The following ELOVL6 variants were observed in gnomAD, a reference collection of about 807,000 sequenced individuals.
ELOVL6 encodes the protein very long chain fatty acid elongase 6.
In ELOVL6, 8 loss-of-function variants were observed where a neutral mutation model predicts 31.7. That is an observed-to-expected ratio of 0.25 (90% CI 0.15 to 0.45). ELOVL6 has a LOEUF of 0.45. Ranked by LOEUF, ELOVL6 falls within the 20% of genes least tolerant of loss-of-function variation. ELOVL6 has a pLI of 1.00. For synonymous variants in ELOVL6, 101 were observed against 117.7 expected, an observed-to-expected ratio of 0.86 and a Z score of 0.92; for missense variants, 126 against 326.4, an observed-to-expected ratio of 0.39 and a Z score of 4.73.
At chr4:110,092,134 C>CT (rs1384761126) in intron 2 of ELOVL6, among the ~76,000 whole-genome samples, 2 of 152,184 alleles carry the variant, frequency 1.3e-5, no homozygotes, top group African/African-American at 4.8e-5. Flanking sequence ...AGTCCATTTA[C>CT]TAGTAGCTCT....
Position 110,126,445 on chromosome 4 carries a change from T to G in ELOVL6, c.90-20817A>C, listed in dbSNP as rs545076398. 4.6e-5 allele frequency among the ~76,000 whole-genome samples: 7 copies of G among 152,246 alleles called. No homozygotes were observed. The South Asian group carries it at 1.5e-3, about 32-fold the overall frequency. On this transcript the variant is annotated intron_variant, in intron 1 of 3. Transcript: ENST00000302274. ...ATCAGTAACTCAATTTTGCCCCTCA[T>G]TGACTTTTGGGAGGCCTCCCAAGGA...
rs574431073 is a variant in ELOVL6, at chr4:110,112,569, TCAAA to T, written c.90-6945_90-6942del. On this transcript the variant is annotated intron_variant, in intron 1 of 3. Coordinates refer to ENST00000302274, the MANE Select transcript of ELOVL6 (RefSeq NM_024090.3). ...GTCCTTGCTGCTCTAGTTAGCAAAA[TCAAA>T]CAAAGAATTAAAATCCGGGCTGAGT... Among the ~76,000 whole-genome samples the T allele has an allele frequency of 8.5e-5, 13 of 152,206 alleles. No individual in the cohort carries two copies. The South Asian group carries it at 2.7e-3, about 32-fold the overall frequency.
chr4:110,196,945 G>A (rs555331429), intron 1 of ELOVL6, among the ~76,000 whole-genome samples: 5 of 152,324 alleles, frequency 3.3e-5, no homozygotes, highest in South Asian at 4.1e-4. Context: ...CCAGGGGGCT[G>A]GAGGACAGGA....
intron 2 of ELOVL6, among the ~76,000 whole-genome samples, chr4:110,083,904 T>A (rs868505664): frequency 2.1e-5 from 1 of 48,626 alleles, no homozygotes; most frequent in Admixed American, 2.3e-4. Flanking sequence ...AATATATATA[T>A]ACACATAGAG....
intron 2 of ELOVL6, among the ~76,000 whole-genome samples, chr4:110,083,275 T>A (rs1560812685): frequency 6.6e-6 from 1 of 151,648 alleles, no homozygotes; most frequent in Non-Finnish European, 1.5e-5. Context: ...GGACTAGGGA[T>A]GAGGGCAAGA....
intron 1 of ELOVL6, among the ~76,000 whole-genome samples, chr4:110,192,188 C>T (rs1430510958): frequency 1.7e-4 from 21 of 122,146 alleles, no homozygotes; most frequent in African/African-American, 6.2e-4. Context: ...AAAACTCCAT[C>T]CAAGAAAAAA....
At chr4:110,076,898 T>G (rs548902372) in intron 2 of ELOVL6, among the ~76,000 whole-genome samples, 1 of 152,292 alleles carries the variant, frequency 6.6e-6, no homozygotes, top group East Asian at 1.9e-4. Context: ...AATACTGTGC[T>G]TTTCCAATGG....
Position 110,143,321 on chromosome 4 carries a change from TTGAGA to T in ELOVL6, c.90-37698_90-37694del, listed in dbSNP as rs1173332230. ...GATTTTTAACGGTAAAAAAAATCGT[TTGAGA>T]TATTAGATGTATAATATTTATCATC... On this transcript the variant is annotated intron_variant, in intron 1 of 3. Transcript: ENST00000302274. 3.7e-4 allele frequency among the ~76,000 whole-genome samples: 56 copies of T among 152,256 alleles called. 1 individual carries two copies. Among genetic ancestry groups the T allele is most frequent in the African/African-American group, 1.3e-3 (54 of 41,550 alleles).
At chr4:110,059,821 C>A (rs1204767520) in intron 2 of ELOVL6, 67 bp from the exon 3 acceptor site, 4 of 1,452,166 alleles carry the variant, frequency 2.8e-6, no homozygotes, top group Non-Finnish European at 2.8e-6. Context: ...ATCAACCATA[C>A]TTAGAAGACT....
At chr4:110,070,394 A>G (rs1755434105) in intron 2 of ELOVL6, among the ~76,000 whole-genome samples, 2 of 152,212 alleles carry the variant, frequency 1.3e-5, no homozygotes. Context: ...CAGGATCACA[A>G]AAGTGGTTAG....
chr4:110,068,039 T>C (rs995580013), intron 2 of ELOVL6, among the ~76,000 whole-genome samples: 16 of 152,202 alleles, frequency 1.1e-4, no homozygotes, highest in African/African-American at 3.6e-4. Flanking sequence ...TTTAGTCTAG[T>C]GGGGAATCAG....
chr4:110,109,205 T>C (rs1285523530), intron 1 of ELOVL6, among the ~76,000 whole-genome samples: 1 of 152,218 alleles, frequency 6.6e-6, no homozygotes, highest in African/African-American at 2.4e-5. Context: ...ATGGTAACAC[T>C]ATACTGTTTT....
chr4:110,110,764 C>A (rs1369295981), intron 1 of ELOVL6, among the ~76,000 whole-genome samples: 12 of 152,118 alleles, frequency 7.9e-5, no homozygotes, highest in African/African-American at 2.7e-4. Flanking sequence ...TGTGAATAAT[C>A]ATGAAAATAT....
At chr4:110,121,258 G>C (rs1175877466) in intron 1 of ELOVL6, among the ~76,000 whole-genome samples, 2 of 152,304 alleles carry the variant, frequency 1.3e-5, no homozygotes, top group South Asian at 2.1e-4. Flanking sequence ...GATGTCATTT[G>C]AGCATGTATC....
At chr4:110,121,250 T>A (rs775146763) in intron 1 of ELOVL6, among the ~76,000 whole-genome samples, 30 of 152,240 alleles carry the variant, frequency 2.0e-4, no homozygotes, top group Non-Finnish European at 3.7e-4. Flanking sequence ...CATATTGAGA[T>A]GTCATTTGAG....
intron 2 of ELOVL6, among the ~76,000 whole-genome samples, chr4:110,069,791 G>A (rs939591450): frequency 1.3e-5 from 2 of 152,142 alleles, no homozygotes; most frequent in Non-Finnish European, 2.9e-5. Context: ...AAGCACTAAG[G>A]CAATTCTAAC....
chr4:110,135,021 G>A (rs1231983633), intron 1 of ELOVL6, among the ~76,000 whole-genome samples: 1 of 152,088 alleles, frequency 6.6e-6, no homozygotes, highest in African/African-American at 2.4e-5. Context: ...TATATTCCAG[G>A]CTAAAAATGT....
At chr4:110,153,858 G>A (rs114665577) in intron 1 of ELOVL6, among the ~76,000 whole-genome samples, 3,274 of 152,226 alleles carry the variant, frequency 0.022, 118 homozygotes, top group African/African-American at 0.073. Flanking sequence ...TTACTTTGTA[G>A]TTTCTAATGC....
intron 1 of ELOVL6, among the ~76,000 whole-genome samples, chr4:110,184,445 A>G (rs1019249100): frequency 6.6e-6 from 1 of 152,190 alleles, no homozygotes; most frequent in African/African-American, 2.4e-5. Flanking sequence ...TTCAAATTTC[A>G]ACTAAGTAGG....
Sources: gnomAD v4.1 joint callset for allele counts (sites outside exome capture counted in the v4.1 genomes callset) on GRCh38, gnomAD v4.1.1 for gene constraint, MANE v1.5 for transcripts, NCBI Gene and HGNC (gene_info 2026-07-23, HGNC 2026-07-21) for gene names.